PHF20: variants seen among roughly 807,000 people sequenced by gnomAD.
PHF20 encodes glioma-expressed antigen 2.
PHF20 carries 23 observed loss-of-function variants against 113.5 expected under a neutral mutation model. That is an observed-to-expected ratio of 0.20 (90% CI 0.15 to 0.29). The LOEUF (loss-of-function observed/expected upper bound fraction) is 0.29. Ranked by LOEUF, PHF20 falls within the 10% of genes least tolerant of loss-of-function variation. The pLI is 1.00. For missense variants in PHF20, 943 were observed against 1,219.6 expected (o/e 0.77, Z 3.38); for synonymous variants, 434 against 457.3 (o/e 0.95, Z 0.65).
At chr20:35,789,360 G>A (rs1371534692) in intron 1 of PHF20, among the ~76,000 whole-genome samples, 2 of 150,512 alleles carry the variant, frequency 1.3e-5, no homozygotes, top group Non-Finnish European at 1.5e-5. Context: ...GAATCTGGGA[G>A]ACAGAGGTTG....
At position 35,808,667 on chromosome 20, in the gene PHF20, G is replaced by A. The variant is rs138241369; in HGVS notation, c.83+7062G>A. Among the ~76,000 whole-genome samples, 915 of 152,036 alleles carry A rather than the reference G, an allele frequency of 6.0e-3. 13 individuals are homozygous for A. The highest frequency in any genetic ancestry group is 0.021 in the African/African-American group (866 of 41,470). ...GGCTCACTGCAAGCTCTGACTCCTG[G>A]GTTCGTGCCATTCTCCTGCCTCAGC... On this transcript the variant is annotated intron_variant, in intron 2 of 17. Coordinates refer to ENST00000374012, the MANE Select transcript of PHF20 (RefSeq NM_016436.5).
chr20:35,883,400 A>T (rs1007100217), intron 9 of PHF20, among the ~76,000 whole-genome samples: 36 of 152,190 alleles, frequency 2.4e-4, no homozygotes, highest in African/African-American at 7.5e-4. Flanking sequence ...CTAGAGTGGC[A>T]CACTTCCTAA....
intron 2 of PHF20, among the ~76,000 whole-genome samples, chr20:35,825,615 A>T (rs1480367857): frequency 6.6e-6 from 1 of 152,210 alleles, no homozygotes; most frequent in Admixed American, 6.5e-5. Context: ...ACATTGAATT[A>T]AGAAGAGTGC....
intron 2 of PHF20, among the ~76,000 whole-genome samples, chr20:35,818,782 C>T (rs1158658084): frequency 2.6e-5 from 4 of 152,190 alleles, no homozygotes; most frequent in Admixed American, 6.6e-5. Context: ...AGTGATCTTC[C>T]TACCTTGGCC....
intron 13 of PHF20, among the ~76,000 whole-genome samples, chr20:35,925,260 C>CTT (rs763188818): frequency 1.2e-4 from 16 of 134,870 alleles, no homozygotes; most frequent in Admixed American, 2.2e-4. Context: ...TTTATTGAGA[C>CTT]TTTTTTTTTT....
intron 2 of PHF20, among the ~76,000 whole-genome samples, chr20:35,834,892 C>A (rs1336998127): frequency 1.3e-5 from 2 of 152,122 alleles, no homozygotes; most frequent in Admixed American, 1.3e-4. Context: ...TGAACTCTTT[C>A]TTCTGAGGAA....
chr20:35,798,968 C>T (rs535749907), intron 1 of PHF20, among the ~76,000 whole-genome samples: 18 of 152,102 alleles, frequency 1.2e-4, no homozygotes, highest in Non-Finnish European at 2.2e-4. Flanking sequence ...TACAATTTTG[C>T]ATCCTGCCTT....
At position 35,938,939 on chromosome 20, in the gene PHF20, A is replaced by T; in HGVS notation, c.2543A>T (p.Tyr848Phe). Residue 848 changes from tyrosine to phenylalanine, a missense_variant, in exon 16 of 18, where the codon TAC (tyrosine) becomes TTC (phenylalanine). By Grantham distance (22) the Tyr-to-Phe change is conservative. Coordinates refer to ENST00000374012, the MANE Select transcript of PHF20 (RefSeq NM_016436.5). ...EHCYQKPRAY[Y>F]PAVEQKLVVE... ...TGCTACCAGAAGCCCCGCGCCTATT[A>T]CCCTGCCGTGGAGCAGAAGCTGGTG... 1 of 1,614,004 alleles carries T rather than the reference A, an allele frequency of 6.2e-7. No individual in the cohort carries two copies. The highest frequency in any genetic ancestry group is 8.5e-7 in the Non-Finnish European group (1 of 1,179,996).
At chr20:35,831,818 C>T (rs1356906374) in intron 2 of PHF20, among the ~76,000 whole-genome samples, 1 of 152,142 alleles carries the variant, frequency 6.6e-6, no homozygotes, top group Non-Finnish European at 1.5e-5. Context: ...TGTCATTGCC[C>T]ACTTGTAACC....
chr20:35,889,640 C>T (rs1276180393), intron 9 of PHF20, among the ~76,000 whole-genome samples: 2 of 151,418 alleles, frequency 1.3e-5, no homozygotes, highest in African/African-American at 2.4e-5. Context: ...TGAGATTACA[C>T]GCATGAGCCA....
chr20:35,879,758 G>T (rs1323352653), intron 9 of PHF20, among the ~76,000 whole-genome samples: 1 of 143,996 alleles, frequency 6.9e-6, no homozygotes, highest in African/African-American at 2.6e-5. Flanking sequence ...ACCAGCCTGG[G>T]CAACATGGTG....
intron 14 of PHF20, chr20:35,928,541 C>A (rs1419406666): frequency 6.7e-6 from 1 of 149,644 alleles, no homozygotes; most frequent in Non-Finnish European, 1.5e-5. Flanking sequence ...ATCTCCAGAA[C>A]TTTCATCCTG....
intron 10 of PHF20, among the ~76,000 whole-genome samples, chr20:35,908,365 A>G (rs961599314): frequency 2.0e-5 from 3 of 152,220 alleles, no homozygotes; most frequent in Admixed American, 2.0e-4. Flanking sequence ...AATGACCACT[A>G]TCTTTAGCCA....
intron 1 of PHF20, among the ~76,000 whole-genome samples, chr20:35,795,111 G>C (rs1390962572): frequency 6.6e-6 from 1 of 151,396 alleles, no homozygotes; most frequent in Non-Finnish European, 1.5e-5. Flanking sequence ...AGAATCGCTT[G>C]AACCCGGGAG....
chr20:35,915,365 T>A (rs1262972873), intron 12 of PHF20, among the ~76,000 whole-genome samples: 1 of 150,970 alleles, frequency 6.6e-6, no homozygotes, highest in African/African-American at 2.4e-5. Context: ...ATATATATAT[T>A]TTGTTTTGTT....
intron 7 of PHF20, 42 bp from the exon 8 acceptor site, chr20:35,870,913 C>G: frequency 6.9e-7 from 1 of 1,455,152 alleles, no homozygotes; most frequent in Non-Finnish European, 9.3e-7. Flanking sequence ...GTTATTTCTT[C>G]TTGTTGGTCT....
At chr20:35,871,418 A>G (rs570046395) in intron 8 of PHF20, among the ~76,000 whole-genome samples, 42 of 152,136 alleles carry the variant, frequency 2.8e-4, no homozygotes, top group Admixed American at 1.6e-3. Context: ...CTGCCATCTC[A>G]TTCGTGCCTT....
chr20:35,789,428 CAAAA>C (rs781511725), intron 1 of PHF20, among the ~76,000 whole-genome samples: 1 of 90,482 alleles, frequency 1.1e-5, no homozygotes. Flanking sequence ...AAGACTCCAT[CAAAA>C]AAAAAAAAAA....
intron 2 of PHF20, among the ~76,000 whole-genome samples, chr20:35,814,950 C>G (rs1323641354): frequency 2.6e-5 from 4 of 151,462 alleles, no homozygotes; most frequent in Non-Finnish European, 5.9e-5. Context: ...ATTCCCAGCA[C>G]TTTGGGAGGC....
Sources: gnomAD v4.1 joint callset for allele counts (sites outside exome capture counted in the v4.1 genomes callset) on GRCh38, gnomAD v4.1.1 for gene constraint, MANE v1.5 for transcripts, NCBI Gene and HGNC (gene_info 2026-07-23, HGNC 2026-07-21) for gene names.